The following FYTTD1 variants were observed in gnomAD, a reference collection of about 807,000 sequenced individuals.
The protein encoded by FYTTD1 is forty-two-three domain containing 1.
A neutral mutation model predicts 40.9 loss-of-function variants in FYTTD1; 22 were observed. The ratio of observed to expected loss-of-function variants is 0.54; its 90% confidence interval spans 0.38 to 0.77. The LOEUF is 0.77. Among genes scored for constraint, FYTTD1 ranks in the 30% least tolerant of loss-of-function variants. The pLI is 0.00. For synonymous variants in FYTTD1, 140 were observed against 137.9 expected, an observed-to-expected ratio of 1.01 and a Z score of -0.10; for missense variants, 351 against 392.2, an observed-to-expected ratio of 0.90 and a Z score of 0.89.
At position 197,768,427 on chromosome 3, in the gene FYTTD1, G is replaced by T. The variant is rs766168439; in HGVS notation, c.236-12G>T. ...TAAATTGACATTTTCTTCTGTTTTT[G>T]CCCTCCTATAGGTTTTGGTAAGACT... On this transcript the variant is annotated splice_polypyrimidine_tract_variant and intron_variant, in intron 2 of 8. Coordinates refer to ENST00000241502, the MANE Select transcript of FYTTD1 (RefSeq NM_032288.7). The T allele has an allele frequency of 1.2e-5, 18 of 1,556,776 alleles. No individual in the cohort carries two copies. The Middle Eastern group carries it at 1.0e-3, about 88-fold the overall frequency.
intron 2 of FYTTD1, among the ~76,000 whole-genome samples, chr3:197,764,043 T>A (rs1284392440): frequency 6.6e-6 from 1 of 152,186 alleles, no homozygotes; most frequent in Non-Finnish European, 1.5e-5. Flanking sequence ...GATACCTAAC[T>A]GGTTTTAAAC....
intron 2 of FYTTD1, among the ~76,000 whole-genome samples, chr3:197,767,491 T>G (rs182541098): frequency 5.8e-4 from 88 of 150,888 alleles, no homozygotes; most frequent in African/African-American, 2.1e-3. Flanking sequence ...ATTTATATAT[T>G]TATTTATTTT....
intron 1 of FYTTD1, among the ~76,000 whole-genome samples, chr3:197,753,030 T>C (rs1729109786): frequency 6.6e-6 from 1 of 152,180 alleles, no homozygotes; most frequent in Non-Finnish European, 1.5e-5. Flanking sequence ...GAGGTAGCAA[T>C]GAAGTGCTGT....
intron 8 of FYTTD1, among the ~76,000 whole-genome samples, chr3:197,779,625 G>A (rs185790074): frequency 3.4e-4 from 47 of 136,822 alleles, no homozygotes; most frequent in African/African-American, 1.3e-3. Flanking sequence ...TGACCTCCCA[G>A]ACTCAAACGA....
intron 2 of FYTTD1, among the ~76,000 whole-genome samples, chr3:197,761,970 T>C (rs1729400996): frequency 6.6e-6 from 1 of 152,220 alleles, no homozygotes; most frequent in African/African-American, 2.4e-5. Flanking sequence ...GTGAGAGTTC[T>C]CTTCCAGGTT....
At chr3:197,751,369 G>T (rs562395814) in intron 1 of FYTTD1, among the ~76,000 whole-genome samples, 141 of 152,348 alleles carry the variant, frequency 9.3e-4, no homozygotes, top group African/African-American at 2.7e-3. Context: ...GGCTGGGCGC[G>T]GTGGCTCACG....
intron 8 of FYTTD1, among the ~76,000 whole-genome samples, chr3:197,780,703 C>T (rs546622917): frequency 2.2e-4 from 33 of 151,890 alleles, no homozygotes; most frequent in African/African-American, 7.0e-4. Context: ...CCACCACACC[C>T]GGCTAATTTT....
At chr3:197,777,492 G>T (rs914507697) in intron 7 of FYTTD1, among the ~76,000 whole-genome samples, 9 of 152,114 alleles carry the variant, frequency 5.9e-5, no homozygotes, top group Admixed American at 3.3e-4. Context: ...TCTTGCCTTG[G>T]CCTCCCAAAA....
chr3:197,762,179 A>T (rs1337692403), intron 2 of FYTTD1, among the ~76,000 whole-genome samples: 2 of 152,214 alleles, frequency 1.3e-5, no homozygotes, highest in African/African-American at 4.8e-5. Flanking sequence ...AGTTACAAAC[A>T]TTCAGTCCTT....
At chr3:197,780,833 A>G (rs925288528) in intron 8 of FYTTD1, among the ~76,000 whole-genome samples, 1 of 151,206 alleles carries the variant, frequency 6.6e-6, no homozygotes, top group African/African-American at 2.4e-5. Flanking sequence ...GTGAGCCACC[A>G]TGCCTGGCCC....
intron 6 of FYTTD1, among the ~76,000 whole-genome samples, chr3:197,775,976 A>C (rs1729862886): frequency 6.6e-6 from 1 of 152,200 alleles, no homozygotes; most frequent in Non-Finnish European, 1.5e-5. Flanking sequence ...GCTGACAGAA[A>C]GTGAGAGGTA....
At chr3:197,757,124 T>A (rs529582875) in intron 2 of FYTTD1, among the ~76,000 whole-genome samples, 1 of 152,356 alleles carries the variant, frequency 6.6e-6, no homozygotes, top group Non-Finnish European at 1.5e-5. Flanking sequence ...ATCCAAGAAC[T>A]TTAGGATTTG....
chr3:197,752,847 A>G (rs996801715), intron 1 of FYTTD1, among the ~76,000 whole-genome samples: 1 of 152,208 alleles, frequency 6.6e-6, no homozygotes, highest in Admixed American at 6.5e-5. Context: ...ACTTGCTCGA[A>G]GTCATACAAG....
In FYTTD1 at chr3:197,749,957, G is replaced by T. The variant is rs1728946750; in HGVS notation, c.-15G>T. ...GGCCTTGTCCGCGCCCGCTCTCGGCGCGACGTCTCCAGCCATGAACCGGTT... is the reference window on the plus strand; with the variant it reads ...GGCCTTGTCCGCGCCCGCTCTCGGCTCGACGTCTCCAGCCATGAACCGGTT... On this transcript the variant is annotated 5_prime_UTR_variant, in exon 1 of 9. Transcript: ENST00000241502. 3.2e-6 allele frequency: 5 copies of T among 1,549,088 alleles called. No homozygotes were observed. Among genetic ancestry groups the T allele is most frequent in the Non-Finnish European group, 4.4e-6 (5 of 1,144,924 alleles).
At chr3:197,763,331 T>C (rs1466621683) in intron 2 of FYTTD1, 1 of 247,064 alleles carries the variant, frequency 4.0e-6, no homozygotes, top group East Asian at 1.4e-4. Context: ...GGAGAATCGC[T>C]TGAACTGGGG....
Position 197,770,251 on chromosome 3 carries a change from G to A in FYTTD1, c.497+7G>A, listed in dbSNP as rs772367829. On this transcript the variant is annotated splice_region_variant and intron_variant, in intron 4 of 8. Coordinates refer to ENST00000241502, the MANE Select transcript of FYTTD1 (RefSeq NM_032288.7). ...CTAGCCAGCTAAGCAGAAAGTAAGTGCTCAAAAATAATAATGTGTTATTTT... is the reference window on the plus strand; with the variant it reads ...CTAGCCAGCTAAGCAGAAAGTAAGTACTCAAAAATAATAATGTGTTATTTT... 1 of 1,522,130 alleles carries A rather than the reference G, an allele frequency of 6.6e-7. No individual in the cohort carries two copies. Among genetic ancestry groups the A allele is most frequent in the Non-Finnish European group, 9.1e-7 (1 of 1,101,728 alleles). The allele number at this position is 1,522,130 out of a possible 1,614,324, so 94.3% of individuals were successfully genotyped here.
chr3:197,753,747 ATTTTAT>A (rs921956330), intron 1 of FYTTD1, among the ~76,000 whole-genome samples: 4 of 151,816 alleles, frequency 2.6e-5, no homozygotes, highest in African/African-American at 9.7e-5. Flanking sequence ...TATATGCTGT[ATTTTAT>A]TTTATTTATT....
At chr3:197,759,692 G>T (rs1423261764) in intron 2 of FYTTD1, among the ~76,000 whole-genome samples, 1 of 151,622 alleles carries the variant, frequency 6.6e-6, no homozygotes, top group African/African-American at 2.4e-5. Context: ...TTCCTCAGTG[G>T]TAGAACGTAT....
At chr3:197,749,863 C>G, upstream of FYTTD1, 1 of 660,154 alleles carries the variant, frequency 1.5e-6, no homozygotes, top group Non-Finnish European at 2.3e-6. Flanking sequence ...AGGACGGCGC[C>G]GGCGCGTGCG....
Sources: allele counts gnomAD v4.1 joint callset (sites outside exome capture counted in the v4.1 genomes callset), GRCh38; gene constraint gnomAD v4.1.1; transcripts MANE v1.5; gene names NCBI Gene and HGNC (gene_info 2026-07-23, HGNC 2026-07-21).